TAS2R1: variants seen among roughly 807,000 people sequenced by gnomAD.
TAS2R1 encodes the protein taste receptor type 2 member 1.
For synonymous variants in TAS2R1, 141 were observed against 134.2 expected, an observed-to-expected ratio of 1.05 and a Z score of -0.35; for missense variants, 370 against 353.4, an observed-to-expected ratio of 1.05 and a Z score of -0.38.
At chr5:9,750,974 G>A in the TAS2R1 span, among the ~76,000 whole-genome samples, 3 of 151,750 alleles carry the variant, frequency 2.0e-5, no homozygotes, top group African/African-American at 7.3e-5. Context: ...TATGATGATT[G>A]ATTAAAACAA....
At chr5:9,792,496 G>A in the TAS2R1 span, among the ~76,000 whole-genome samples, 2 of 152,152 alleles carry the variant, frequency 1.3e-5, no homozygotes, top group East Asian at 3.9e-4. Flanking sequence ...CACTGGCAAC[G>A]ATCAACCCGA....
the TAS2R1 span, among the ~76,000 whole-genome samples, chr5:9,802,876 C>A: frequency 2.4e-3 from 368 of 152,204 alleles, 3 homozygotes; most frequent in African/African-American, 8.1e-3. Context: ...GCACTCCAGC[C>A]TGGGCAACAC....
chr5:9,854,860 G>A, the TAS2R1 span, among the ~76,000 whole-genome samples: 1 of 152,318 alleles, frequency 6.6e-6, no homozygotes, highest in East Asian at 1.9e-4. Flanking sequence ...AACCAGGGTT[G>A]AAGATCCTAC....
At chr5:9,887,045 T>C in the TAS2R1 span, among the ~76,000 whole-genome samples, 1 of 152,134 alleles carries the variant, frequency 6.6e-6, no homozygotes, top group Non-Finnish European at 1.5e-5. Context: ...TGCTGGAGCA[T>C]AAAAAATAAT....
the TAS2R1 span, among the ~76,000 whole-genome samples, chr5:9,762,574 G>A: frequency 2.6e-5 from 4 of 152,110 alleles, no homozygotes; most frequent in Admixed American, 6.6e-5. Flanking sequence ...AATTGTCTTC[G>A]GAACTTTCAC....
the TAS2R1 span, among the ~76,000 whole-genome samples, chr5:9,771,233 G>C: frequency 6.6e-6 from 1 of 151,612 alleles, no homozygotes; most frequent in African/African-American, 2.4e-5. Context: ...CCAGATCTTT[G>C]CCAGATTTTG....
At chr5:9,648,543 C>A (rs1160251608) in intron 2 of TAS2R1, among the ~76,000 whole-genome samples, 1 of 151,974 alleles carries the variant, frequency 6.6e-6, no homozygotes, top group Non-Finnish European at 1.5e-5. Flanking sequence ...GAAGCAGAGG[C>A]CACATCCCTC....
At chr5:9,878,856 G>T in the TAS2R1 span, among the ~76,000 whole-genome samples, 1 of 152,212 alleles carries the variant, frequency 6.6e-6, no homozygotes, top group African/African-American at 2.4e-5. Context: ...TCCCTTCCCT[G>T]TGTGGTCCTG....
At chr5:9,840,884 T>A in the TAS2R1 span, among the ~76,000 whole-genome samples, 1,405 of 75,242 alleles carry the variant, frequency 0.019, 39 homozygotes, top group Middle Eastern at 0.033. Flanking sequence ...TTTTTTTTTT[T>A]TTTTTTTTTG....
chr5:9,718,923 G>A, the TAS2R1 span, among the ~76,000 whole-genome samples: 1 of 152,132 alleles, frequency 6.6e-6, no homozygotes, highest in Non-Finnish European at 1.5e-5. Flanking sequence ...TCATGGAATT[G>A]TTCTAGATTA....
chr5:9,840,120 G>A, the TAS2R1 span, among the ~76,000 whole-genome samples: 1 of 152,160 alleles, frequency 6.6e-6, no homozygotes. Context: ...GTTCCCTGGT[G>A]AGATTTTGCC....
At chr5:9,822,530 T>C in the TAS2R1 span, among the ~76,000 whole-genome samples, 1 of 152,092 alleles carries the variant, frequency 6.6e-6, no homozygotes, top group South Asian at 2.1e-4. Flanking sequence ...TCTGTATTTT[T>C]AGTAGACACG....
At chr5:9,662,870 T>C (rs970250729) in intron 1 of TAS2R1, among the ~76,000 whole-genome samples, 2 of 152,216 alleles carry the variant, frequency 1.3e-5, no homozygotes, top group African/African-American at 4.8e-5. Context: ...CACTTGTCAA[T>C]ACCCAATTAC....
chr5:9,739,573 A>G, the TAS2R1 span, among the ~76,000 whole-genome samples: 1 of 152,232 alleles, frequency 6.6e-6, no homozygotes, highest in African/African-American at 2.4e-5. Flanking sequence ...AATACACACC[A>G]TTATTACATC....
the TAS2R1 span, among the ~76,000 whole-genome samples, chr5:9,841,614 G>C: frequency 6.6e-6 from 1 of 151,988 alleles, no homozygotes; most frequent in African/African-American, 2.4e-5. Context: ...CTATTTTCTT[G>C]ACCAAAACAT....
the TAS2R1 span, among the ~76,000 whole-genome samples, chr5:9,848,363 T>A: frequency 6.6e-6 from 1 of 152,182 alleles, no homozygotes; most frequent in Admixed American, 6.5e-5. Flanking sequence ...AATGGAGGCA[T>A]CCAAATTGTA....
At chr5:9,778,831 A>T in the TAS2R1 span, among the ~76,000 whole-genome samples, 1 of 152,182 alleles carries the variant, frequency 6.6e-6, no homozygotes, top group Non-Finnish European at 1.5e-5. Flanking sequence ...GACTGCTAAA[A>T]CTTTCTCCAT....
the TAS2R1 span, among the ~76,000 whole-genome samples, chr5:9,743,568 G>T: frequency 6.6e-6 from 1 of 152,112 alleles, no homozygotes; most frequent in Admixed American, 6.6e-5. Flanking sequence ...GTCACTTCGC[G>T]CCTCTTTGCC....
the TAS2R1 span, among the ~76,000 whole-genome samples, chr5:9,899,664 A>G: frequency 1.8e-4 from 28 of 151,856 alleles, 1 homozygote; most frequent in Admixed American, 1.6e-3. Flanking sequence ...GCTAAAGGTG[A>G]AAATTTCAAA....
Sources: allele counts gnomAD v4.1 joint callset (sites outside exome capture counted in the v4.1 genomes callset), GRCh38; gene constraint gnomAD v4.1.1; transcripts MANE v1.5; gene names NCBI Gene and HGNC (gene_info 2026-07-23, HGNC 2026-07-21).